Variants in HIBCH observed in about 807,000 individuals in gnomAD.
The protein encoded by HIBCH is 3-hydroxyisobutyryl-CoA hydrolase, mitochondrial.
HIBCH carries 50 observed loss-of-function variants against 58.2 expected under a neutral mutation model. That is an observed-to-expected ratio of 0.86 (90% CI 0.68 to 1.09). The LOEUF (loss-of-function observed/expected upper bound fraction) is 1.09. Among genes scored for constraint, HIBCH ranks in the 50% least tolerant of loss-of-function variants. HIBCH has a pLI of 0.00. For missense variants in HIBCH, 450 were observed against 449.7 expected, an observed-to-expected ratio of 1.00 and a Z score of -0.01; for synonymous variants, 151 against 146.9, an observed-to-expected ratio of 1.03 and a Z score of -0.20.
chr2:190,264,261 G>A (rs1559041659), intron 6 of HIBCH, among the ~76,000 whole-genome samples: 1 of 136,488 alleles, frequency 7.3e-6, no homozygotes, highest in Non-Finnish European at 1.6e-5. Context: ...AGCCACACGG[G>A]CTTTCTTTCT....
chr2:190,205,090 C>A lies in HIBCH; in HGVS notation c.*27G>T, dbSNP rs1464035367. The A allele has an allele frequency of 7.4e-7, 1 of 1,354,846 alleles. No individual in the cohort carries two copies. Among genetic ancestry groups the A allele is most frequent in the South Asian group, 1.2e-5 (1 of 84,758 alleles). 83.9% of individuals were successfully genotyped at this position (1,354,846 alleles called of 1,614,324 possible). On this transcript the variant is annotated 3_prime_UTR_variant, in exon 14 of 14. Transcript: ENST00000359678. ...TGCTGTAGATTGCCAACCCATGCTACAAAATATACCTTAAAAGCCTGTCAC... is the reference window on the plus strand; with the variant it reads ...TGCTGTAGATTGCCAACCCATGCTAAAAAATATACCTTAAAAGCCTGTCAC...
At position 190,319,053 on chromosome 2, in the gene HIBCH, C is replaced by T. The variant is rs980943130; in HGVS notation, c.35+663G>A. 6.6e-5 allele frequency among the ~76,000 whole-genome samples: 10 copies of T among 152,220 alleles called. No individual in the cohort carries two copies. In the East Asian group the frequency reaches 1.9e-3, roughly 29 times the overall value. ...AAGGACGGTTCTCCCTTCAAGTGGG[C>T]GCAGCTGCTACCTGGTATGACAGTA... is the stretch of plus-strand genomic sequence containing the variant. On this transcript the variant is annotated intron_variant, in intron 1 of 13. Coordinates refer to ENST00000359678, the MANE Select transcript of HIBCH (RefSeq NM_014362.4).
intron 2 of HIBCH, among the ~76,000 whole-genome samples, chr2:190,298,374 T>C (rs1282653927): frequency 6.7e-6 from 1 of 148,994 alleles, no homozygotes; most frequent in African/African-American, 2.4e-5. Context: ...ACCAACAGCG[T>C]AAAAGCGTTC....
chr2:190,266,332 G>GT (rs1174823621), intron 6 of HIBCH, among the ~76,000 whole-genome samples: 1 of 152,136 alleles, frequency 6.6e-6, no homozygotes, highest in Non-Finnish European at 1.5e-5. Context: ...GTATGTCTCT[G>GT]TTTTATCTGT....
At chr2:190,249,819 G>T (rs1233360418) in intron 8 of HIBCH, 93 bp from the exon 9 acceptor site, 2 of 849,706 alleles carry the variant, frequency 2.4e-6, no homozygotes, top group Non-Finnish European at 3.8e-6. Flanking sequence ...TAGAATTCTT[G>T]ACTTTAAATT....
chr2:190,196,891 T>G (rs1690005545), intron 1 of HIBCH, among the ~76,000 whole-genome samples: 1 of 152,194 alleles, frequency 6.6e-6, no homozygotes, highest in Admixed American at 6.5e-5. Context: ...TACCAGAGAC[T>G]AGTATGGAGT....
intron 11 of HIBCH, among the ~76,000 whole-genome samples, chr2:190,218,153 A>C (rs190616545): frequency 6.6e-6 from 1 of 151,998 alleles, no homozygotes; most frequent in Admixed American, 6.5e-5. Context: ...TACGGAACCA[A>C]AGGCAGTTGT....
chr2:190,227,062 GA>G (rs1247186917), intron 11 of HIBCH, among the ~76,000 whole-genome samples: 3 of 152,028 alleles, frequency 2.0e-5, no homozygotes, highest in African/African-American at 7.3e-5. Context: ...TTTCTTCACA[GA>G]ATTGGAAAAA....
chr2:190,261,177 C>G lies in HIBCH; in HGVS notation c.496G>C (p.Ala166Pro). The G allele has an allele frequency of 1.3e-6, 2 of 1,596,224 alleles. No homozygotes were observed. Among genetic ancestry groups the G allele is most frequent in the Non-Finnish European group, 1.7e-6 (2 of 1,169,716 alleles). Residue 166 changes from alanine to proline, a missense_variant, in exon 7 of 14, where the codon GCT (alanine) becomes CCT (proline). Ala to Pro is a conservative substitution (Grantham distance 27). Coordinates refer to ENST00000359678, the MANE Select transcript of HIBCH (RefSeq NM_014362.4). ...FRVATEKCLF[A>P]MPETAIGLFP... is the part of the protein sequence containing the mutation. ...TTACCTATTGCAGTTTCTGGCATAGCAAAAAGACACTTTTCTGTAGCCACT... is the reference window on the plus strand; with the variant it reads ...TTACCTATTGCAGTTTCTGGCATAGGAAAAAGACACTTTTCTGTAGCCACT...
chr2:190,319,664 G>T, intron 1 of HIBCH, 52 bp downstream of exon 1: 2 of 1,486,690 alleles, frequency 1.3e-6, no homozygotes, highest in African/African-American at 1.4e-5. Flanking sequence ...TTTTCCCACT[G>T]TGGCGAGTGC....
chr2:190,298,076 G>A (rs1265600045), intron 2 of HIBCH, among the ~76,000 whole-genome samples: 1 of 152,252 alleles, frequency 6.6e-6, no homozygotes, highest in South Asian at 2.1e-4. Context: ...CCCTGCGAAG[G>A]ACATGAGCTC....
At chr2:190,275,794 T>C (rs1045394497) in intron 6 of HIBCH, among the ~76,000 whole-genome samples, 4 of 152,216 alleles carry the variant, frequency 2.6e-5, no homozygotes, top group Non-Finnish European at 5.9e-5. Context: ...CATGCCCTAA[T>C]TGAAGATGAT....
rs145720248 is a variant in HIBCH at position 190,209,742 on chromosome 2, C to A, written c.1012-829G>T. Among the ~76,000 whole-genome samples the A allele has an allele frequency of 9.2e-5, 14 of 152,316 alleles. No individual in the cohort carries two copies. In the East Asian group the frequency reaches 2.7e-3, roughly 29 times the overall value. On this transcript the variant is annotated intron_variant, in intron 12 of 13. Transcript: ENST00000359678. The surrounding 1 kb of genome is among the most constrained non-coding windows in gnomAD (Gnocchi z 5.6). ...CCCCTCTTGCCTTCTCAAGGATGGA[C>A]TTTGCTTGATGTGGTCATTCACTTT...
In HIBCH at chr2:190,231,647, T is replaced by C. The variant is rs76852752; in HGVS notation, c.891+13240A>G. 2.4e-4 allele frequency among the ~76,000 whole-genome samples: 36 copies of C among 152,048 alleles called. No homozygotes were observed. The South Asian group carries it at 7.5e-3, about 32-fold the overall frequency. On this transcript the variant is annotated intron_variant, in intron 11 of 13. Coordinates refer to ENST00000359678, the MANE Select transcript of HIBCH (RefSeq NM_014362.4). The stretch of plus-strand genomic sequence containing the variant: ...TAAGACAAAGATAGCTATCATCACC[T>C]CTACTGAACATTTTGCTGGCAGTGC...
intron 6 of HIBCH, among the ~76,000 whole-genome samples, chr2:190,283,511 C>T (rs1235308721): frequency 6.6e-6 from 1 of 152,174 alleles, no homozygotes; most frequent in Admixed American, 6.5e-5. Flanking sequence ...TAGTACATTT[C>T]CTTGCTGAGA....
Position 190,281,448 on chromosome 2 carries a change from G to C in HIBCH, c.438+6138C>G, listed in dbSNP as rs539553294. ...AGCAGCCCCGGGCGGTAAGCTTATA[G>C]GGGGAGGCCCAAGTCCATCACCCAA... is the stretch of plus-strand genomic sequence containing the variant. On this transcript the variant is annotated intron_variant, in intron 6 of 13. Coordinates refer to ENST00000359678, the MANE Select transcript of HIBCH (RefSeq NM_014362.4). This position sits in a 1 kb window ranked among gnomAD's most constrained non-coding sequence, Gnocchi z 5.4. Among the ~76,000 whole-genome samples the C allele has an allele frequency of 6.6e-6, 1 of 152,248 alleles. No homozygotes were observed. The highest frequency in any genetic ancestry group is 1.5e-5 in the Non-Finnish European group (1 of 68,018).
At position 190,295,978 on chromosome 2, in the gene HIBCH, G is replaced by C. The variant is rs1016710202; in HGVS notation, c.219+835C>G. Among the ~76,000 whole-genome samples the C allele has an allele frequency of 1.3e-4, 20 of 152,174 alleles. 1 individual carries two copies. Among genetic ancestry groups the C allele is most frequent in the Admixed American group, 6.5e-4 (10 of 15,270 alleles). On this transcript the variant is annotated intron_variant, in intron 3 of 13. Transcript: ENST00000359678. ...GAACTGAGGAGATTTGAGGTATGGA[G>C]AGATTAACTTTCCCAGCCTACACTG...
rs1410257538 is a variant in HIBCH, at chr2:190,210,614, G to C, written c.1012-1701C>G. 6.6e-6 allele frequency among the ~76,000 whole-genome samples: 1 copy of C among 152,116 alleles called. No individual in the cohort carries two copies. Among genetic ancestry groups the C allele is most frequent in the East Asian group, 1.9e-4 (1 of 5,180 alleles). ...CCATTTTACTCAGCCAAAGTCCTTA[G>C]AGAGACCTTCAAGGCTCTGTATGCT... On this transcript the variant is annotated intron_variant, in intron 12 of 13. Coordinates refer to ENST00000359678, the MANE Select transcript of HIBCH (RefSeq NM_014362.4). This position sits in a 1 kb window ranked among gnomAD's most constrained non-coding sequence, Gnocchi z 5.5.
At chr2:190,272,650 G>GAA (rs895944451) in intron 6 of HIBCH, among the ~76,000 whole-genome samples, 1 of 143,882 alleles carries the variant, frequency 7.0e-6, no homozygotes. Context: ...ATGGCCAAGG[G>GAA]AAAAAAAAAA....
Sources: gnomAD v4.1 joint callset for allele counts (sites outside exome capture counted in the v4.1 genomes callset) on GRCh38, gnomAD v4.1.1 for gene constraint, Gnocchi (gnomAD v3.1) non-coding constraint, MANE v1.5 for transcripts, NCBI Gene and HGNC (gene_info 2026-07-23, HGNC 2026-07-21) for gene names.